Variants in PAFAH2 observed in about 807,000 individuals in gnomAD.
The protein encoded by PAFAH2 is platelet activating factor acetylhydrolase 2.
Under a neutral mutation model 49.0 loss-of-function variants are expected in PAFAH2, and 42 were observed. The ratio of observed to expected loss-of-function variants is 0.86; its 90% CI spans 0.67 to 1.11. PAFAH2 has a LOEUF of 1.11. Among genes scored for constraint, PAFAH2 ranks in the 50% least tolerant of loss-of-function variants. The probability of loss-of-function intolerance (pLI) is 0.00; values close to 1 mark genes in which losing one functional copy is unlikely to be tolerated. For synonymous variants in PAFAH2, 184 were observed against 181.3 expected (o/e 1.01, Z -0.12); for missense variants, 503 against 501.8 (o/e 1.00, Z -0.02).
intron 6 of PAFAH2, among the ~76,000 whole-genome samples, chr1:25,982,730 A>G (rs1284124195): frequency 1.3e-5 from 2 of 152,208 alleles, no homozygotes; most frequent in African/African-American, 4.8e-5. Flanking sequence ...GAAGGATCCA[A>G]TGAGATGATG....
intron 4 of PAFAH2, among the ~76,000 whole-genome samples, chr1:25,986,485 T>C (rs1572360494): frequency 6.6e-6 from 1 of 152,208 alleles, no homozygotes; most frequent in Non-Finnish European, 1.5e-5. Flanking sequence ...TGGACCTGCA[T>C]TGAGGTAAGA....
At chr1:25,983,729 A>G (rs2049731757) in intron 6 of PAFAH2, among the ~76,000 whole-genome samples, 1 of 152,184 alleles carries the variant, frequency 6.6e-6, no homozygotes, top group African/African-American at 2.4e-5. Context: ...ATATGAGCCC[A>G]TCATTCCCTT....
At chr1:25,993,036 G>A (rs1217891005) in intron 1 of PAFAH2, among the ~76,000 whole-genome samples, 3 of 152,134 alleles carry the variant, frequency 2.0e-5, no homozygotes, top group Non-Finnish European at 4.4e-5. Context: ...ATGGTGGATG[G>A]GAAAACCAGA....
At chr1:25,996,904 AT>A (rs1009485983) in intron 1 of PAFAH2, among the ~76,000 whole-genome samples, 1 of 152,162 alleles carries the variant, frequency 6.6e-6, no homozygotes, top group Non-Finnish European at 1.5e-5. Flanking sequence ...AAGGTCTCTC[AT>A]TTTTCCTGGA....
intron 1 of PAFAH2, chr1:25,997,419 T>C (rs1206645711): frequency 6.6e-6 from 1 of 152,240 alleles, no homozygotes; most frequent in Non-Finnish European, 1.5e-5. Context: ...TCACACATAC[T>C]AGCTTGTTGG....
At chr1:25,995,811 G>A (rs1054751568) in intron 1 of PAFAH2, among the ~76,000 whole-genome samples, 7 of 152,074 alleles carry the variant, frequency 4.6e-5, no homozygotes, top group African/African-American at 1.4e-4. Context: ...TTTTTTTGTA[G>A]ACCAAACTGT....
At chr1:25,980,597 G>A (rs113910273) in intron 7 of PAFAH2, among the ~76,000 whole-genome samples, 1,574 of 144,888 alleles carry the variant, frequency 0.011, 21 homozygotes, top group African/African-American at 0.039. Context: ...GTGAGCCACC[G>A]CACTGGGCCA....
At chr1:25,989,650 ATTT>A in intron 2 of PAFAH2, 49 bp from the exon 3 acceptor site, 1 of 1,394,240 alleles carries the variant, frequency 7.2e-7, no homozygotes, top group South Asian at 1.7e-5. Context: ...CCCAGGCTAG[ATTT>A]CCCAACAGCC....
At chr1:25,974,455 G>C (rs2049556131) in intron 9 of PAFAH2, 25 bp downstream of exon 9, 1 of 1,566,616 alleles carries the variant, frequency 6.4e-7, no homozygotes, top group African/African-American at 1.4e-5. Flanking sequence ...AGGGCCCTGG[G>C]ATCACGACCT....
At position 25,998,015 on chromosome 1, in the gene PAFAH2, T is replaced by G. The variant is rs545847221; in HGVS notation, c.-48+10A>C. ...ATTGAGATATAGGTGTTTTCTCCAATCAAACTTACCCAGTCAAGCTGATTC... is the reference window on the plus strand; with the variant it reads ...ATTGAGATATAGGTGTTTTCTCCAAGCAAACTTACCCAGTCAAGCTGATTC... On this transcript the variant is annotated intron_variant, in intron 1 of 10. Coordinates refer to ENST00000374282, the MANE Select transcript of PAFAH2 (RefSeq NM_000437.4). 2.6e-5 allele frequency: 4 copies of G among 152,290 alleles called. No homozygotes were observed. Among genetic ancestry groups the G allele is most frequent in the African/African-American group, 7.2e-5 (3 of 41,566 alleles). The allele number at this position is 152,290 out of a possible 1,614,324, so 9.4% of individuals were successfully genotyped here.
intron 10 of PAFAH2, among the ~76,000 whole-genome samples, chr1:25,972,216 C>T (rs2049518582): frequency 6.6e-6 from 1 of 152,002 alleles, no homozygotes; most frequent in South Asian, 2.1e-4. Context: ...CCACCGTAGC[C>T]TCTCGAGTAG....
Position 25,989,554 on chromosome 1 carries a change from G to C in PAFAH2, c.138C>G (p.Thr46=). 1 of 1,611,898 alleles carries C rather than the reference G, an allele frequency of 6.2e-7. No individual in the cohort carries two copies. Among genetic ancestry groups the C allele is most frequent in the Non-Finnish European group, 8.5e-7 (1 of 1,178,950 alleles). ...LFYPCQKAEE[T]MEQPLWIPRY... is the part of the protein sequence containing the mutation. ...GGGGAATCCACAGGGGCTGCTCCAT[G>C]GTCTCCTCTGCCTTTTGGCAGGGGT... is the stretch of plus-strand genomic sequence containing the variant. The change falls in exon 3 of 11, where the codon ACC becomes ACG. Residue 46 remains threonine, a synonymous_variant. Coordinates refer to ENST00000374282, the MANE Select transcript of PAFAH2 (RefSeq NM_000437.4).
In PAFAH2 at chr1:25,984,547, A is replaced by G. The variant is rs1352001672; in HGVS notation, c.342-19T>C. 4 of 1,607,480 alleles carry G rather than the reference A, an allele frequency of 2.5e-6. No homozygotes were observed. The highest frequency in any genetic ancestry group is 1.7e-6 in the Non-Finnish European group (2 of 1,174,242). ...CAAAGTCCTGGAGATTCAAAAAGGA[A>G]CAAGGAAAAGGGATCAAAAGAACAG... On this transcript the variant is annotated intron_variant, in intron 4 of 10. Transcript: ENST00000374282.
chr1:25,978,818 T>C (rs2049636151), intron 7 of PAFAH2, among the ~76,000 whole-genome samples: 1 of 152,226 alleles, frequency 6.6e-6, no homozygotes, highest in African/African-American at 2.4e-5. Context: ...GAGAAATACA[T>C]TTATACTGTG....
At chr1:25,993,923 G>C (rs959826703) in intron 1 of PAFAH2, among the ~76,000 whole-genome samples, 1 of 152,122 alleles carries the variant, frequency 6.6e-6, no homozygotes, top group Admixed American at 6.6e-5. Context: ...GATGGGAAAG[G>C]CTCTTTCAAG....
At chr1:25,974,349 C>G in intron 9 of PAFAH2, 131 bp downstream of exon 9, 1 of 616,694 alleles carries the variant, frequency 1.6e-6, no homozygotes, top group South Asian at 3.3e-5. Context: ...AGAATTTAGA[C>G]TTTGCAATTC....
At chr1:25,966,738 A>G (rs908561153) in intron 10 of PAFAH2, among the ~76,000 whole-genome samples, 5 of 152,112 alleles carry the variant, frequency 3.3e-5, no homozygotes, top group Admixed American at 6.6e-5. Flanking sequence ...ATAGCTGTGT[A>G]AGAAAATTGC....
At chr1:25,969,482 G>A (rs759067332) in intron 10 of PAFAH2, among the ~76,000 whole-genome samples, 4 of 152,184 alleles carry the variant, frequency 2.6e-5, no homozygotes, top group Non-Finnish European at 4.4e-5. Context: ...GGCCAGTCTA[G>A]GTTACATATT....
At chr1:25,987,797 G>C (rs1257098050) in intron 4 of PAFAH2, among the ~76,000 whole-genome samples, 2 of 151,926 alleles carry the variant, frequency 1.3e-5, no homozygotes, top group African/African-American at 4.8e-5. Flanking sequence ...AGCACTGCTT[G>C]AGCCCAAGAG....
Sources: allele counts gnomAD v4.1 joint callset (sites outside exome capture counted in the v4.1 genomes callset), GRCh38; gene constraint gnomAD v4.1.1; transcripts MANE v1.5; gene names NCBI Gene and HGNC (gene_info 2026-07-23, HGNC 2026-07-21).